Variants in EEPD1 observed in about 807,000 individuals in gnomAD.
The protein encoded by EEPD1 is endonuclease/exonuclease/phosphatase family domain containing 1.
EEPD1 carries 17 observed loss-of-function variants against 46.3 expected under a neutral mutation model. The ratio of observed to expected loss-of-function variants is 0.37; its 90% CI spans 0.25 to 0.55. The LOEUF (loss-of-function observed/expected upper bound fraction) is 0.55, where lower values mean the gene tolerates loss of function less well. Among genes scored for constraint, EEPD1 ranks in the 20% least tolerant of loss-of-function variants. EEPD1 has a pLI of 0.83. For missense variants in EEPD1, 673 were observed against 745.6 expected (o/e 0.90, Z 1.13); for synonymous variants, 313 against 315.6 (o/e 0.99, Z 0.09).
At chr7:36,286,945 C>T (rs1470221566) in intron 5 of EEPD1, among the ~76,000 whole-genome samples, 2 of 152,008 alleles carry the variant, frequency 1.3e-5, no homozygotes, top group Non-Finnish European at 2.9e-5. Context: ...GGGTTGTGGC[C>T]GGGTACGTAG....
At chr7:36,239,078 C>A in intron 3 of EEPD1, 42 bp downstream of exon 3, 1 of 1,591,306 alleles carries the variant, frequency 6.3e-7, no homozygotes, top group South Asian at 1.1e-5. Context: ...AAACCAAGAA[C>A]GGAGGGCCAC....
chr7:36,155,908 AT>A (rs1283556259), intron 2 of EEPD1, among the ~76,000 whole-genome samples: 3 of 152,238 alleles, frequency 2.0e-5, no homozygotes, highest in East Asian at 3.8e-4. Flanking sequence ...CGTTTATGTT[AT>A]TCACAATACT....
intron 2 of EEPD1, among the ~76,000 whole-genome samples, chr7:36,233,466 T>G (rs1336305982): frequency 6.6e-6 from 1 of 152,240 alleles, no homozygotes; most frequent in African/African-American, 2.4e-5. Flanking sequence ...ATAAATTCCT[T>G]GAGCGCTTTC....
At chr7:36,257,190 G>A (rs1464139556) in intron 3 of EEPD1, among the ~76,000 whole-genome samples, 1 of 152,072 alleles carries the variant, frequency 6.6e-6, no homozygotes, top group East Asian at 1.9e-4. Flanking sequence ...AGAGGGATCA[G>A]CTGTTAGTCT....
chr7:36,198,135 A>G (rs889879708), intron 2 of EEPD1, among the ~76,000 whole-genome samples: 3 of 151,930 alleles, frequency 2.0e-5, no homozygotes, highest in Non-Finnish European at 2.9e-5. Context: ...TGAAAAATTG[A>G]TCAGATTTAT....
intron 3 of EEPD1, among the ~76,000 whole-genome samples, chr7:36,273,071 GGGT>G (rs1218777413): frequency 2.0e-5 from 3 of 152,044 alleles, no homozygotes; most frequent in Non-Finnish European, 4.4e-5. Flanking sequence ...GACCTCAGCA[GGGT>G]GGTGACTGTG....
intron 2 of EEPD1, among the ~76,000 whole-genome samples, chr7:36,237,073 C>CTT (rs1330096728): frequency 1.3e-5 from 2 of 152,190 alleles, no homozygotes; most frequent in Non-Finnish European, 2.9e-5. Flanking sequence ...AGGGAGACCA[C>CTT]CAACCCACCA....
intron 2 of EEPD1, among the ~76,000 whole-genome samples, chr7:36,202,257 C>A (rs775308705): frequency 3.9e-5 from 6 of 152,092 alleles, no homozygotes; most frequent in Non-Finnish European, 7.4e-5. Context: ...CCTGTCAGGC[C>A]CTTGTGTGGA....
chr7:36,257,610 G>A (rs548304135), intron 3 of EEPD1, among the ~76,000 whole-genome samples: 3 of 152,080 alleles, frequency 2.0e-5, no homozygotes, highest in Admixed American at 6.6e-5. Context: ...CCACTTGATC[G>A]ATTTGGCTAT....
intron 2 of EEPD1, among the ~76,000 whole-genome samples, chr7:36,202,620 A>G (rs756464295): frequency 6.6e-6 from 1 of 152,206 alleles, no homozygotes; most frequent in Non-Finnish European, 1.5e-5. Context: ...AGCTTGATTC[A>G]GGTACTGAAT....
At chr7:36,226,903 G>C (rs1267174103) in intron 2 of EEPD1, among the ~76,000 whole-genome samples, 2 of 152,048 alleles carry the variant, frequency 1.3e-5, no homozygotes, top group African/African-American at 4.8e-5. Flanking sequence ...AAAGAAAACA[G>C]TGGAAAATTG....
intron 3 of EEPD1, among the ~76,000 whole-genome samples, chr7:36,260,232 A>G (rs1306712742): frequency 6.6e-6 from 1 of 152,176 alleles, no homozygotes; most frequent in African/African-American, 2.4e-5. Context: ...TGGGTTTCTT[A>G]TCAGGCAGGT....
At chr7:36,298,900 A>AC in intron 7 of EEPD1, 107 bp from the exon 8 acceptor site, 1 of 1,340,686 alleles carries the variant, frequency 7.5e-7, no homozygotes, top group Non-Finnish European at 1.0e-6. Flanking sequence ...CTCTCCGGGC[A>AC]CCCCGGCCTG....
chr7:36,298,553 C>G (rs1169253723), intron 7 of EEPD1, among the ~76,000 whole-genome samples: 1 of 152,170 alleles, frequency 6.6e-6, no homozygotes, highest in Non-Finnish European at 1.5e-5. Context: ...TTCTCATAAG[C>G]TTCTGTAATT....
chr7:36,269,832 C>A (rs1787076983), intron 3 of EEPD1, among the ~76,000 whole-genome samples: 1 of 152,190 alleles, frequency 6.6e-6, no homozygotes, highest in Non-Finnish European at 1.5e-5. Context: ...TCTTAGGATT[C>A]TTTTCTAAAC....
At chr7:36,292,160 C>G (rs1301116989) in intron 6 of EEPD1, among the ~76,000 whole-genome samples, 1 of 152,128 alleles carries the variant, frequency 6.6e-6, no homozygotes, top group Non-Finnish European at 1.5e-5. Context: ...TGCCCCGTGC[C>G]AGGCGCTTCT....
intron 2 of EEPD1, among the ~76,000 whole-genome samples, chr7:36,199,528 G>T (rs1036649746): frequency 2.0e-5 from 3 of 152,090 alleles, no homozygotes; most frequent in South Asian, 4.1e-4. Flanking sequence ...AAACTCCCAG[G>T]ACTTTTTTCT....
chr7:36,161,161 C>G (rs959785031), intron 2 of EEPD1, among the ~76,000 whole-genome samples: 3 of 152,186 alleles, frequency 2.0e-5, no homozygotes, highest in Non-Finnish European at 2.9e-5. Context: ...CTATTTCTAT[C>G]AGGAGAGGTT....
chr7:36,168,898 A>T (rs368464499), intron 2 of EEPD1, among the ~76,000 whole-genome samples: 27 of 152,306 alleles, frequency 1.8e-4, no homozygotes, highest in African/African-American at 6.5e-4. Context: ...TTAGGAAGTC[A>T]TCTGATTCAA....
Sources: allele counts gnomAD v4.1 joint callset (sites outside exome capture counted in the v4.1 genomes callset), GRCh38; gene constraint gnomAD v4.1.1; transcripts MANE v1.5; gene names NCBI Gene and HGNC (gene_info 2026-07-23, HGNC 2026-07-21).